Variants in PDE4D observed in about 807,000 individuals in gnomAD.
The protein encoded by PDE4D is 3',5'-cyclic-AMP phosphodiesterase 4D.
PDE4D carries 24 observed loss-of-function variants against 87.4 expected under a neutral mutation model. The observed-to-expected ratio is 0.27, with a 90% confidence interval of 0.20 to 0.39. The LOEUF is 0.39. Among genes scored for constraint, PDE4D ranks in the 10% least tolerant of loss-of-function variants. The pLI is 1.00. For missense variants in PDE4D, 714 were observed against 1,041.0 expected (o/e 0.69, Z 4.32); for synonymous variants, 384 against 383.2 (o/e 1.00, Z -0.02).
intron 2 of PDE4D, among the ~76,000 whole-genome samples, chr5:60,138,052 C>T (rs7732524): frequency 0.65 from 99,417 of 151,946 alleles, 33,196 homozygotes; most frequent in Middle Eastern, 0.7. Context: ...ATGATTTCCC[C>T]ATTGCTTGTT....
intron 1 of PDE4D, among the ~76,000 whole-genome samples, chr5:59,818,175 A>G (rs550670747): frequency 6.6e-6 from 1 of 152,358 alleles, no homozygotes; most frequent in African/African-American, 2.4e-5. Context: ...TTTTATCAGC[A>G]TGTTTTTGAA....
chr5:59,119,521 T>C (rs1774137828), intron 5 of PDE4D, among the ~76,000 whole-genome samples: 1 of 152,208 alleles, frequency 6.6e-6, no homozygotes, highest in African/African-American at 2.4e-5. Flanking sequence ...AAACACCAAA[T>C]TGTCATTACA....
At chr5:60,053,338 C>T (rs1434830925) in intron 2 of PDE4D, among the ~76,000 whole-genome samples, 2 of 152,152 alleles carry the variant, frequency 1.3e-5, no homozygotes, top group African/African-American at 4.8e-5. Context: ...GGTACCAAAA[C>T]AGATATATAG....
intron 2 of PDE4D, among the ~76,000 whole-genome samples, chr5:60,162,654 G>A (rs2149465492): frequency 6.6e-6 from 1 of 152,012 alleles, no homozygotes; most frequent in East Asian, 1.9e-4. Flanking sequence ...CCTTCCCAGA[G>A]ATACTGAATC....
chr5:59,840,530 G>T (rs1165111628), intron 1 of PDE4D, among the ~76,000 whole-genome samples: 2 of 152,010 alleles, frequency 1.3e-5, no homozygotes, highest in Non-Finnish European at 2.9e-5. Flanking sequence ...AGTATGTCTG[G>T]TGTTGGCTGA....
chr5:59,189,253 G>GTTTTTTTTTTTTTTTTTTTTTTTTT (rs5868167), intron 3 of PDE4D, among the ~76,000 whole-genome samples: 2 of 120,848 alleles, frequency 1.7e-5, no homozygotes, highest in African/African-American at 3.2e-5. Context: ...TGTTTTTTTT[G>GTTTTTTTTTTTTTTTTTTTTTTTTT]TTTTTTTTTT....
At chr5:60,235,861 C>T (rs1430861352) in intron 1 of PDE4D, among the ~76,000 whole-genome samples, 1 of 151,762 alleles carries the variant, frequency 6.6e-6, no homozygotes, top group Non-Finnish European at 1.5e-5. Context: ...CATGACTATG[C>T]CCTTAGCCTT....
At chr5:59,378,644 A>T (rs1404135057) in intron 1 of PDE4D, among the ~76,000 whole-genome samples, 1 of 152,224 alleles carries the variant, frequency 6.6e-6, no homozygotes, top group East Asian at 1.9e-4. Flanking sequence ...ATGAAAAAGG[A>T]ATAAAAACCA....
At chr5:60,313,107 A>G (rs749842838) in intron 1 of PDE4D, among the ~76,000 whole-genome samples, 1 of 152,136 alleles carries the variant, frequency 6.6e-6, no homozygotes, top group Non-Finnish European at 1.5e-5. Flanking sequence ...GAAATGCAAA[A>G]CAAAAAAAAT....
At chr5:59,575,668 G>A in intron 1 of PDE4D, among the ~76,000 whole-genome samples, 1 of 152,082 alleles carries the variant, frequency 6.6e-6, no homozygotes, top group East Asian at 1.9e-4. Flanking sequence ...CTAAAAACCT[G>A]AAATTAATAT....
intron 1 of PDE4D, among the ~76,000 whole-genome samples, chr5:60,431,745 G>A (rs566508331): frequency 8.3e-4 from 126 of 152,202 alleles, no homozygotes; most frequent in Non-Finnish European, 1.1e-3. Flanking sequence ...AGGTTGTAGC[G>A]AGCCGAGATC....
chr5:59,206,834 T>C (rs1748899320), intron 2 of PDE4D, among the ~76,000 whole-genome samples: 1 of 152,320 alleles, frequency 6.6e-6, no homozygotes, highest in African/African-American at 2.4e-5. Context: ...TCATCTCCAA[T>C]AGAAGTCAAC....
chr5:60,042,705 C>G (rs1302339030), intron 2 of PDE4D, among the ~76,000 whole-genome samples: 1 of 152,142 alleles, frequency 6.6e-6, no homozygotes, highest in African/African-American at 2.4e-5. Context: ...AGCAGAGAGG[C>G]CTGACTGTTA....
chr5:60,151,443 CGTT>C (rs1781487514), intron 2 of PDE4D, among the ~76,000 whole-genome samples: 1 of 152,068 alleles, frequency 6.6e-6, no homozygotes, highest in South Asian at 2.1e-4. Flanking sequence ...CTTTCATTAA[CGTT>C]GTATAGTTTT....
chr5:59,138,010 T>C (rs1436935487), intron 5 of PDE4D, among the ~76,000 whole-genome samples: 1 of 152,206 alleles, frequency 6.6e-6, no homozygotes, highest in Non-Finnish European at 1.5e-5. Flanking sequence ...AAAGGCACAA[T>C]AGCCCCTAGC....
chr5:59,805,184 T>TTCC (rs1767605223), intron 1 of PDE4D, among the ~76,000 whole-genome samples: 1 of 152,162 alleles, frequency 6.6e-6, no homozygotes, highest in Non-Finnish European at 1.5e-5. Context: ...GTTTGGAAAA[T>TTCC]AAAACAGATT....
intron 2 of PDE4D, among the ~76,000 whole-genome samples, chr5:60,076,137 G>T (rs538558082): frequency 6.6e-6 from 1 of 151,654 alleles, no homozygotes; most frequent in Non-Finnish European, 1.5e-5. Context: ...CATCTTTGTG[G>T]TCTGATGTTC....
At chr5:60,303,789 A>C (rs1322256574) in intron 1 of PDE4D, among the ~76,000 whole-genome samples, 1 of 152,228 alleles carries the variant, frequency 6.6e-6, no homozygotes, top group Non-Finnish European at 1.5e-5. Flanking sequence ...AGTGGAGAAT[A>C]CTGTAGATAT....
intron 1 of PDE4D, chr5:59,217,945 A>C (rs748201904): frequency 1.1e-5 from 5 of 456,878 alleles, no homozygotes; most frequent in Non-Finnish European, 1.3e-5. Context: ...TTAAGCACTT[A>C]ATATGAGTGC....
Sources: gnomAD v4.1 joint callset for allele counts (sites outside exome capture counted in the v4.1 genomes callset) on GRCh38, gnomAD v4.1.1 for gene constraint, MANE v1.5 for transcripts, NCBI Gene and HGNC (gene_info 2026-07-23, HGNC 2026-07-21) for gene names.